The following FLT3LG variants were observed in gnomAD, a reference collection of about 807,000 sequenced individuals.
The protein encoded by FLT3LG is fms related receptor tyrosine kinase 3 ligand, also known as fms-related tyrosine kinase 3 ligand.
Under a neutral mutation model 30.9 loss-of-function variants are expected in FLT3LG, and 8 were observed. That is an observed-to-expected ratio of 0.26 (90% CI 0.15 to 0.47). The LOEUF is 0.47. FLT3LG is among the 20% of genes least tolerant of loss of function. The pLI is 0.99. For missense variants in FLT3LG, 278 were observed against 306.2 expected (o/e 0.91, Z 0.69); for synonymous variants, 123 against 135.9 (o/e 0.91, Z 0.66).
At chr19:49,474,743 G>A in intron 2 of FLT3LG, 71 bp downstream of exon 2, 1 of 1,507,996 alleles carries the variant, frequency 6.6e-7, no homozygotes, top group Non-Finnish European at 9.1e-7. Flanking sequence ...GAGATGAGGG[G>A]AGATGGACGG....
intron 8 of FLT3LG, among the ~76,000 whole-genome samples, chr19:49,484,347 T>C (rs1047070437): frequency 2.8e-5 from 4 of 143,704 alleles, no homozygotes; most frequent in African/African-American, 1.1e-4. Flanking sequence ...CAGGCTGGAG[T>C]GCAGTGGTGC....
intron 8 of FLT3LG, among the ~76,000 whole-genome samples, chr19:49,484,240 T>C (rs1346538501): frequency 6.7e-6 from 1 of 150,016 alleles, no homozygotes; most frequent in Non-Finnish European, 1.5e-5. Context: ...CCTCCCAACC[T>C]AGTCCCTGTC....
chr19:49,480,821 C>T, intron 8 of FLT3LG: 1 of 586,566 alleles, frequency 1.7e-6, no homozygotes, highest in South Asian at 2.1e-5. Context: ...CACTTGAGGT[C>T]AGGAGTTCAA....
chr19:49,480,956 C>G (rs2122548560), intron 8 of FLT3LG: 1 of 214,754 alleles, frequency 4.7e-6, no homozygotes, highest in East Asian at 1.1e-4. Context: ...TGCTTGAACC[C>G]AGGAGGCGGA....
chr19:49,480,383 A>C lies in FLT3LG; in HGVS notation c.567A>C (p.Leu189=). The change falls in exon 7 of 9, where the codon CTA becomes CTC. Residue 189 remains leucine (L), a synonymous_variant. Coordinates refer to ENST00000597551, the MANE Select transcript of FLT3LG (RefSeq NM_001459.4). ...CCCCGCAGCCCCCTCTGCTCCTCCT[A>C]CTGCTGCTGCCCGTGGGCCTCCTGC... ...PTAPQPPLLL[L]LLLPVGLLLL... The C allele has an allele frequency of 6.2e-7, 1 of 1,609,886 alleles. No individual in the cohort carries two copies. Among genetic ancestry groups the C allele is most frequent in the Non-Finnish European group, 8.5e-7 (1 of 1,178,494 alleles).
chr19:49,484,769 A>G (rs112945902), intron 8 of FLT3LG, among the ~76,000 whole-genome samples: 5,456 of 152,156 alleles, frequency 0.036, 321 homozygotes, highest in African/African-American at 0.12. Flanking sequence ...TGATAGGATT[A>G]CAGCCATGAG....
At position 49,475,788 on chromosome 19, in the gene FLT3LG, A is replaced by G; in HGVS notation, c.131A>G (p.Lys44Arg). ...CCCATCTCCTCCGACTTCGCTGTCA[A>G]AATCCGTGAGCTGGTGAGCGGCGCT... is the stretch of plus-strand genomic sequence containing the variant. ...HSPISSDFAV[K>R]IRELSDYLLQ... Residue 44 changes from lysine to arginine, a missense_variant, in exon 3 of 9, where the codon AAA becomes AGA. This residue lies in a region of FLT3LG where 68 missense variants were observed against 110.0 expected (regional missense o/e 0.62). Coordinates refer to ENST00000597551, the MANE Select transcript of FLT3LG (RefSeq NM_001459.4). 1 of 1,612,632 alleles carries G rather than the reference A, an allele frequency of 6.2e-7. No homozygotes were observed. Among genetic ancestry groups the G allele is most frequent in the Non-Finnish European group, 8.5e-7 (1 of 1,179,896 alleles).
At chr19:49,477,584 AAAAC>A (rs1195969175) in intron 5 of FLT3LG, among the ~76,000 whole-genome samples, 49 of 151,666 alleles carry the variant, frequency 3.2e-4, no homozygotes, top group African/African-American at 1.1e-3. Flanking sequence ...CTAAAATACA[AAAAC>A]AAAATTAGCC....
chr19:49,475,854 T>C, intron 3 of FLT3LG, 53 bp downstream of exon 3: 1 of 1,516,838 alleles, frequency 6.6e-7, no homozygotes, highest in East Asian at 2.3e-5. Flanking sequence ...CCCCCACTTT[T>C]TTTTTTAAGT....
In FLT3LG at chr19:49,486,167, T is replaced by C. The variant is rs1042122; in HGVS notation, c.*174T>C. 53,449 of 152,514 alleles carry C rather than the reference T, an allele frequency of 0.35. 15,074 individuals are homozygous for C. Among genetic ancestry groups the C allele is most frequent in the African/African-American group, 0.78 (32,422 of 41,456 alleles). 9.4% of individuals were successfully genotyped at this position (152,514 alleles called of 1,614,324 possible). ...ACGCCAGAATCCAGCACCGGCCCCA[T>C]TTACCCAACTCTGTACAAAGCCCTT... On this transcript the variant is annotated 3_prime_UTR_variant, in exon 9 of 9. Transcript: ENST00000597551.
Position 49,480,318 on chromosome 19 carries a change from C to T in FLT3LG, c.502C>T (p.Pro168Ser). 1 of 1,606,030 alleles carries T rather than the reference C, an allele frequency of 6.2e-7. No homozygotes were observed. Among genetic ancestry groups the T allele is most frequent in the Non-Finnish European group, 8.5e-7 (1 of 1,175,282 alleles). Reference sequence around the variant, plus strand: ...CCCAGACTCCTCAACCCTGCCACCCCCATGGAGTCCCCGGCCCCTGGAGGC... The same window carrying T: ...CCCAGACTCCTCAACCCTGCCACCCTCATGGAGTCCCCGGCCCCTGGAGGC... ...CQPDSSTLPP[P>S]WSPRPLEATA... Residue 168 changes from proline (P) to serine (S), a missense_variant, in exon 7 of 9, where the codon CCA becomes TCA. This residue lies in a region of FLT3LG where 170 missense variants were observed against 162.0 expected (regional missense o/e 1.05). Coordinates refer to ENST00000597551, the MANE Select transcript of FLT3LG (RefSeq NM_001459.4).
chr19:49,485,280 G>A (rs1337843555), intron 8 of FLT3LG, among the ~76,000 whole-genome samples: 4 of 130,770 alleles, frequency 3.1e-5, no homozygotes, highest in East Asian at 4.4e-4. Context: ...TGGGAGTTTC[G>A]CTCTTGTCGC....
chr19:49,481,386 G>C (rs921672152), intron 8 of FLT3LG: 7 of 152,512 alleles, frequency 4.6e-5, no homozygotes, highest in African/African-American at 1.7e-4. Context: ...CAAGCCTCCT[G>C]GGACAGGAAG....
chr19:49,474,928 GC>G (rs1312898556), intron 2 of FLT3LG, among the ~76,000 whole-genome samples: 7 of 123,960 alleles, frequency 5.6e-5, no homozygotes, highest in East Asian at 2.3e-4. Flanking sequence ...ATGGACAGGA[GC>G]GGGGAGATGG....
At position 49,474,287 on chromosome 19, in the gene FLT3LG, TGAG is replaced by T. The variant is rs1398610246; in HGVS notation, c.-38+10_-38+12del. ...ACCCAACTGGGGCAAGCCTGGTGCG[TGAG>T]GAGACTTGGACTCTAGGTCCCCAAG... On this transcript the variant is annotated splice_region_variant and intron_variant, in intron 1 of 8. Transcript: ENST00000597551. 6.8e-6 allele frequency: 3 copies of T among 438,672 alleles called. No homozygotes were observed. The highest frequency in any genetic ancestry group is 1.2e-5 in the Non-Finnish European group (3 of 241,916). 27.2% of individuals were successfully genotyped at this position (438,672 alleles called of 1,614,324 possible). A position where few individuals can be genotyped will look rare whatever the true frequency, so the allele number is the denominator to read the frequency against.
chr19:49,479,247 T>C (rs2079511772), intron 6 of FLT3LG, among the ~76,000 whole-genome samples, 200 bp downstream of exon 6: 1 of 149,856 alleles, frequency 6.7e-6, no homozygotes, highest in Non-Finnish European at 1.5e-5. Flanking sequence ...CAGGCTGGAG[T>C]GCAGTGGCGT....
intron 6 of FLT3LG, 109 bp downstream of exon 6, chr19:49,479,156 G>A (rs2079506148): frequency 1.9e-6 from 2 of 1,046,876 alleles, no homozygotes; most frequent in Non-Finnish European, 2.6e-6. Context: ...GTTGTGACAA[G>A]GGCAAGCTTA....
At chr19:49,474,474 G>T in intron 1 of FLT3LG, 129 bp from the exon 2 acceptor site, 1 of 666,070 alleles carries the variant, frequency 1.5e-6, no homozygotes, top group East Asian at 2.7e-5. Context: ...GACGCAGGAA[G>T]CCTGGGGGAG....
At chr19:49,475,663 G>T in intron 2 of FLT3LG, 28 bp from the exon 3 acceptor site, 1 of 1,598,332 alleles carries the variant, frequency 6.3e-7, no homozygotes. Context: ...AACAGCAGAG[G>T]GCTCCCCCAG....
Sources: allele counts gnomAD v4.1 joint callset (sites outside exome capture counted in the v4.1 genomes callset), GRCh38; gene constraint gnomAD v4.1.1; regional missense constraint gnomAD v4.1.1; transcripts MANE v1.5; gene names NCBI Gene and HGNC (gene_info 2026-07-23, HGNC 2026-07-21).